The following CLPB variants were observed in gnomAD, a reference collection of about 807,000 sequenced individuals.
The protein encoded by CLPB is ClpB family mitochondrial disaggregase.
A neutral mutation model predicts 78.4 loss-of-function variants in CLPB; 40 were observed. The observed-to-expected ratio is 0.51, with a 90% CI of 0.40 to 0.66. The LOEUF is 0.66. Among genes scored for constraint, CLPB ranks in the 30% least tolerant of loss-of-function variants. CLPB has a pLI of 0.00. For synonymous variants in CLPB, 333 were observed against 348.0 expected (o/e 0.96, Z 0.48); for missense variants, 780 against 886.9 (o/e 0.88, Z 1.53).
In CLPB at chr11:72,285,798, T is replaced by C. The variant is rs2135473487; in HGVS notation, c.*7569A>G. On this transcript the variant is annotated 3_prime_UTR_variant, in exon 16 of 16. Transcript: ENST00000538039. ...AATAGGTTATGTGTAGAAGAGCAAA[T>C]ATATATATACCTATTTGTTGCAATT... 1 of 152,278 alleles carries C rather than the reference T, an allele frequency of 6.6e-6. No individual in the cohort carries two copies. The highest frequency in any genetic ancestry group is 6.5e-5 in the Admixed American group (1 of 15,294). The allele number at this position is 152,278 out of a possible 1,614,324, so 9.4% of individuals were successfully genotyped here.
At chr11:72,294,725 C>T in intron 12 of CLPB, 32 bp from the exon 13 acceptor site, 1 of 1,586,684 alleles carries the variant, frequency 6.3e-7, no homozygotes. Flanking sequence ...TGCTTATTCC[C>T]CACATTCAGG....
intron 1 of CLPB, 77 bp from the exon 2 acceptor site, chr11:72,430,440 G>A: frequency 7.9e-7 from 1 of 1,266,878 alleles, no homozygotes; most frequent in South Asian, 1.3e-5. Context: ...GGCCCACTAA[G>A]ACAGTGGCAG....
At position 72,329,809 on chromosome 11, in the gene CLPB, C is replaced by CA; in HGVS notation, c.776-6dup. On this transcript the variant is annotated splice_region_variant and splice_polypyrimidine_tract_variant and intron_variant, in intron 5 of 15. Coordinates refer to ENST00000538039, the MANE Select transcript of CLPB (RefSeq NM_001258392.3). Reference sequence around the variant, plus strand: ...TCCTCTGCAGGGGGTTGGCTCCTGGCAAGAGAAGAAGGATAAACAGAGGCT... The same window carrying CA: ...TCCTCTGCAGGGGGTTGGCTCCTGGCAAAGAGAAGAAGGATAAACAGAGGCT... 6.2e-7 allele frequency: 1 copy of CA among 1,610,220 alleles called. No homozygotes were observed. Among genetic ancestry groups the CA allele is most frequent in the Non-Finnish European group, 8.5e-7 (1 of 1,176,888 alleles).
chr11:72,409,455 G>A (rs1855809955), intron 2 of CLPB, among the ~76,000 whole-genome samples: 2 of 151,964 alleles, frequency 1.3e-5, no homozygotes, highest in Middle Eastern at 3.4e-3. Context: ...GTGGTGTCGG[G>A]CACCTGTAAT....
chr11:72,320,054 G>A (rs1313846828), intron 6 of CLPB, among the ~76,000 whole-genome samples: 2 of 152,340 alleles, frequency 1.3e-5, no homozygotes, highest in African/African-American at 2.4e-5. Context: ...TCTGCAGGGT[G>A]CAGTCTCAAC....
At chr11:72,319,150 C>T (rs1300038873) in intron 6 of CLPB, among the ~76,000 whole-genome samples, 1 of 152,204 alleles carries the variant, frequency 6.6e-6, no homozygotes, top group Admixed American at 6.5e-5. Context: ...GGTCTTCTCT[C>T]TTCCCACCAA....
chr11:72,397,380 A>C (rs1325638040), intron 3 of CLPB, among the ~76,000 whole-genome samples: 1 of 152,208 alleles, frequency 6.6e-6, no homozygotes, highest in Non-Finnish European at 1.5e-5. Flanking sequence ...TTTCTCTTAG[A>C]CAAATACCTA....
At chr11:72,379,504 T>C (rs1384675701) in intron 4 of CLPB, among the ~76,000 whole-genome samples, 1 of 152,102 alleles carries the variant, frequency 6.6e-6, no homozygotes, top group African/African-American at 2.4e-5. Flanking sequence ...TAGACTGACT[T>C]GCTGAGGCAC....
chr11:72,389,710 G>C (rs1245300862), intron 3 of CLPB, among the ~76,000 whole-genome samples: 1 of 152,146 alleles, frequency 6.6e-6, no homozygotes, highest in Non-Finnish European at 1.5e-5. Context: ...AGGATCATTT[G>C]AGCCCAGGAG....
chr11:72,373,859 C>A (rs1315065110), intron 4 of CLPB, among the ~76,000 whole-genome samples: 1 of 149,674 alleles, frequency 6.7e-6, no homozygotes, highest in Non-Finnish European at 1.5e-5. Flanking sequence ...ACTTGGGAGG[C>A]TGAGGCAGGA....
Position 72,288,625 on chromosome 11 carries a change from ACT to A in CLPB, c.*4740_*4741del, listed in dbSNP as rs1949417036. On this transcript the variant is annotated 3_prime_UTR_variant, in exon 16 of 16. Coordinates refer to ENST00000538039, the MANE Select transcript of CLPB (RefSeq NM_001258392.3). ...ACAATACTTTTCTGTTCCAGAGCCC[ACT>A]GAGAAGATCTGCACTTGCTGCAGGT... 6.6e-6 allele frequency: 1 copy of A among 152,304 alleles called. No individual in the cohort carries two copies. The highest frequency in any genetic ancestry group is 2.1e-4 in the South Asian group (1 of 4,828). The allele number at this position is 152,304 out of a possible 1,614,324, so 9.4% of individuals were successfully genotyped here.
intron 2 of CLPB, among the ~76,000 whole-genome samples, chr11:72,407,034 T>C (rs565045683): frequency 4.6e-5 from 7 of 152,320 alleles, no homozygotes; most frequent in Non-Finnish European, 1.0e-4. Flanking sequence ...CTCCCCACGG[T>C]GTGTGTCCAC....
intron 2 of CLPB, among the ~76,000 whole-genome samples, chr11:72,410,268 T>A (rs940674945): frequency 2.6e-5 from 4 of 152,132 alleles, no homozygotes; most frequent in Non-Finnish European, 4.4e-5. Flanking sequence ...CTCTGTTACT[T>A]ACTAAGTGAG....
intron 2 of CLPB, among the ~76,000 whole-genome samples, chr11:72,424,549 G>A (rs1228790687): frequency 2.0e-5 from 3 of 151,506 alleles, no homozygotes; most frequent in African/African-American, 7.3e-5. Context: ...TTGAGGTCAG[G>A]GGTTCGAGAT....
chr11:72,403,825 G>C (rs1009132016), intron 2 of CLPB, among the ~76,000 whole-genome samples: 2 of 152,168 alleles, frequency 1.3e-5, no homozygotes, highest in Non-Finnish European at 2.9e-5. Context: ...CTAAAAGTCT[G>C]AATTTTTGCT....
intron 14 of CLPB, 50 bp from the exon 15 acceptor site, chr11:72,294,176 A>ATC (rs1949505497): frequency 6.2e-7 from 1 of 1,608,406 alleles, no homozygotes; most frequent in African/African-American, 1.3e-5. Flanking sequence ...ACTGCTTTCC[A>ATC]TCTCTTGCCA....
intron 5 of CLPB, among the ~76,000 whole-genome samples, chr11:72,357,298 T>C (rs190498038): frequency 8.6e-4 from 131 of 152,300 alleles, no homozygotes; most frequent in Non-Finnish European, 1.3e-3. Flanking sequence ...GCTGGGCCTG[T>C]GGAGGCAAAG....
rs763790408 is a variant in CLPB at position 72,317,152 on chromosome 11, C to T, written c.942G>A (p.Lys314=). Reference sequence around the variant, plus strand: ...CGCTCTCCTGGCCAATGATGTGCTCCTTTAGTCGCTGCTCCAGGGGGAAGC... The same window carrying T: ...CGCTCTCCTGGCCAATGATGTGCTCTTTTAGTCGCTGCTCCAGGGGGAAGC... ...RRRFPLEQRL[K]EHIIGQESAI... The change falls in exon 7 of 16, where the codon AAG becomes AAA. Residue 314 remains lysine, a synonymous_variant. Transcript: ENST00000538039. 8 of 1,612,448 alleles carry T rather than the reference C, an allele frequency of 5.0e-6. No individual in the cohort carries two copies. The highest frequency in any genetic ancestry group is 4.4e-5 in the South Asian group (4 of 90,842).
rs1949480228 is a variant in CLPB at position 72,293,156 on chromosome 11, A to T, written c.*211T>A. On this transcript the variant is annotated 3_prime_UTR_variant, in exon 16 of 16. Coordinates refer to ENST00000538039, the MANE Select transcript of CLPB (RefSeq NM_001258392.3). ...TCTCCTGAAGGCTTGTTAGCAGGTT[A>T]TGGGCCCACAACAAAGGGGCCAGAG... The T allele has an allele frequency of 6.9e-6, 4 of 580,430 alleles. No homozygotes were observed. In the South Asian group the frequency reaches 8.8e-5, roughly 13 times the overall value. The allele number at this position is 580,430 out of a possible 1,614,324, so 36.0% of individuals were successfully genotyped here. A position where few individuals can be genotyped will look rare whatever the true frequency, so the allele number is the denominator to read the frequency against.
Sources: allele counts gnomAD v4.1 joint callset (sites outside exome capture counted in the v4.1 genomes callset), GRCh38; gene constraint gnomAD v4.1.1; transcripts MANE v1.5; gene names NCBI Gene and HGNC (gene_info 2026-07-23, HGNC 2026-07-21).